The following GREB1L variants were observed in gnomAD, a reference collection of about 807,000 sequenced individuals.
The protein encoded by GREB1L is GREB1 like retinoic acid receptor coactivator.
GREB1L carries 17 observed loss-of-function variants against 200.8 expected under a neutral mutation model. That is an observed-to-expected ratio of 0.08 (90% CI 0.06 to 0.13). The LOEUF (loss-of-function observed/expected upper bound fraction) is 0.13. Ranked by LOEUF, GREB1L falls within the 10% of genes least tolerant of loss-of-function variation. The pLI, the probability that GREB1L is intolerant of heterozygous loss-of-function variation, is 1.00. For missense variants in GREB1L, 1,657 were observed against 2,367.7 expected (o/e 0.70, Z 6.23); for synonymous variants, 789 against 893.0 (o/e 0.88, Z 2.08).
At chr18:21,346,835 C>G (rs373024229) in intron 1 of GREB1L, among the ~76,000 whole-genome samples, 1 of 152,154 alleles carries the variant, frequency 6.6e-6, no homozygotes, top group Non-Finnish European at 1.5e-5. Flanking sequence ...CTCTTCTCTG[C>G]CCCCTCTAGA....
intron 1 of GREB1L, among the ~76,000 whole-genome samples, chr18:21,298,770 T>C (rs1002523116): frequency 6.6e-6 from 1 of 151,904 alleles, no homozygotes; most frequent in African/African-American, 2.4e-5. Context: ...CTCGTCTCTA[T>C]GCAAAATGTA....
intron 4 of GREB1L, among the ~76,000 whole-genome samples, chr18:21,389,990 G>A (rs1167679317): frequency 5.3e-5 from 8 of 152,308 alleles, no homozygotes; most frequent in Admixed American, 4.6e-4. Context: ...ACAGTATACA[G>A]TCATGTGCCA....
At chr18:21,313,706 G>A (rs879851811) in intron 1 of GREB1L, among the ~76,000 whole-genome samples, 37 of 152,168 alleles carry the variant, frequency 2.4e-4, no homozygotes, top group Non-Finnish European at 4.4e-4. Context: ...AAAAAAGAAG[G>A]TATCTGGGTT....
At chr18:21,458,700 A>G (rs960294263) in intron 15 of GREB1L, among the ~76,000 whole-genome samples, 1 of 152,184 alleles carries the variant, frequency 6.6e-6, no homozygotes, top group Non-Finnish European at 1.5e-5. Flanking sequence ...AATATCATGG[A>G]CAGAATTTGA....
At chr18:21,359,613 C>T (rs2039554015) in intron 1 of GREB1L, among the ~76,000 whole-genome samples, 1 of 152,174 alleles carries the variant, frequency 6.6e-6, no homozygotes, top group Non-Finnish European at 1.5e-5. Context: ...TATAGTGTCA[C>T]GACTTGAGGA....
intron 6 of GREB1L, 94 bp from the exon 7 acceptor site, chr18:21,403,778 G>A (rs2041414948): frequency 3.8e-6 from 4 of 1,055,292 alleles, no homozygotes; most frequent in Middle Eastern, 2.1e-4. Context: ...AAGGAGCAGC[G>A]ATTTAATTTA....
chr18:21,335,147 C>G (rs1164226397), intron 1 of GREB1L, among the ~76,000 whole-genome samples: 1 of 152,190 alleles, frequency 6.6e-6, no homozygotes, highest in Non-Finnish European at 1.5e-5. Flanking sequence ...ACAGTGTTCT[C>G]TCTTTCCCCG....
At chr18:21,479,101 C>G (rs545124393) in intron 17 of GREB1L, among the ~76,000 whole-genome samples, 3 of 152,020 alleles carry the variant, frequency 2.0e-5, no homozygotes, top group East Asian at 3.9e-4. Context: ...AGGCTGGTCT[C>G]GAACTCGCAA....
At position 21,319,355 on chromosome 18, in the gene GREB1L, A is replaced by G. The variant is rs555152743; in HGVS notation, c.-119-46672A>G. 5.3e-5 allele frequency among the ~76,000 whole-genome samples: 8 copies of G among 152,374 alleles called. No homozygotes were observed. In the South Asian group the frequency reaches 1.7e-3, roughly 32 times the overall value. On this transcript the variant is annotated intron_variant, in intron 1 of 32. Transcript: ENST00000424526. ...GTTAACCAACCAATTGTAGATCCCA[A>G]TCATGCCAAATTAAAAGGCTTTTCC...
intron 1 of GREB1L, among the ~76,000 whole-genome samples, chr18:21,312,175 A>G (rs536039899): frequency 1.3e-5 from 2 of 152,176 alleles, no homozygotes; most frequent in Non-Finnish European, 1.5e-5. Flanking sequence ...TCATGGCTGC[A>G]TGGTATTCCA....
Position 21,386,004 on chromosome 18 carries a change from G to C in GREB1L, c.355+1601G>C, listed in dbSNP as rs114025502. Among the ~76,000 whole-genome samples the C allele has an allele frequency of 9.2e-3, 1,400 of 152,282 alleles. 15 individuals are homozygous for C. The highest frequency in any genetic ancestry group is 0.031 in the African/African-American group (1,276 of 41,544). On this transcript the variant is annotated intron_variant, in intron 4 of 32. Transcript: ENST00000424526. ...AAGGTATAATAAACTTAGTGATCTA[G>C]AGATAGCCAGTATTTCTTAAACTTT...
At chr18:21,510,250 A>G (rs1453191029) in intron 27 of GREB1L, among the ~76,000 whole-genome samples, 1 of 152,022 alleles carries the variant, frequency 6.6e-6, no homozygotes, top group Non-Finnish European at 1.5e-5. Context: ...TAATACTTCT[A>G]AAGTGTTAAA....
intron 1 of GREB1L, among the ~76,000 whole-genome samples, chr18:21,252,660 G>T (rs535044405): frequency 6.6e-6 from 1 of 152,040 alleles, no homozygotes; most frequent in Non-Finnish European, 1.5e-5. Context: ...CTGAGATCAG[G>T]AGTTCAAAAC....
chr18:21,242,602 G>C (rs2143767941), intron 1 of GREB1L, among the ~76,000 whole-genome samples: 1 of 152,248 alleles, frequency 6.6e-6, no homozygotes, highest in Non-Finnish European at 1.5e-5. Flanking sequence ...GGGAGCGCCA[G>C]TGCCAACCTG....
chr18:21,427,225 C>A (rs1401459187), intron 7 of GREB1L, among the ~76,000 whole-genome samples: 1 of 151,922 alleles, frequency 6.6e-6, no homozygotes, highest in Non-Finnish European at 1.5e-5. Context: ...GTTTTGTGGC[C>A]AGATGTGGTG....
At position 21,441,401 on chromosome 18, in the gene GREB1L, G is replaced by T; in HGVS notation, c.1071G>T (p.Glu357Asp). ...CTTGTCAAACTTTTTTTTTTCCAGA[G>T]CCCCTTTTATCTGCCCCAGTTCCAC... ...VPTVRPLSRT[E>D]PLLSAPVPQT... The change falls in exon 10 of 33, where the codon GAG (glutamate) becomes GAT (aspartate). Residue 357 changes from glutamate (E) to aspartate (D), a missense_variant and splice_region_variant. This residue lies in a region of GREB1L where 289 missense variants were observed against 345.1 expected (regional missense o/e 0.84). Coordinates refer to ENST00000424526, the MANE Select transcript of GREB1L (RefSeq NM_001142966.3). 1 of 1,513,848 alleles carries T rather than the reference G, an allele frequency of 6.6e-7. No homozygotes were observed. The allele number at this position is 1,513,848 out of a possible 1,614,324, so 93.8% of individuals were successfully genotyped here.
intron 4 of GREB1L, among the ~76,000 whole-genome samples, chr18:21,394,383 C>G (rs1048011928): frequency 2.6e-5 from 4 of 152,166 alleles, no homozygotes; most frequent in Non-Finnish European, 4.4e-5. Context: ...ATAACACTGT[C>G]TGTGATTCTT....
intron 7 of GREB1L, among the ~76,000 whole-genome samples, chr18:21,412,226 T>C (rs1469062508): frequency 6.7e-6 from 1 of 148,922 alleles, no homozygotes; most frequent in Non-Finnish European, 1.5e-5. Flanking sequence ...CATAGTGAAA[T>C]CTTGTCTCTA....
chr18:21,496,839 C>A, intron 21 of GREB1L, 141 bp downstream of exon 21: 1 of 873,136 alleles, frequency 1.1e-6, no homozygotes, highest in Non-Finnish European at 1.7e-6. Context: ...CCAGACCCAG[C>A]TCCAGGTGGG....
Sources: gnomAD v4.1 joint callset for allele counts (sites outside exome capture counted in the v4.1 genomes callset) on GRCh38, gnomAD v4.1.1 for gene constraint, gnomAD v4.1.1 regional missense constraint, MANE v1.5 for transcripts, NCBI Gene and HGNC (gene_info 2026-07-23, HGNC 2026-07-21) for gene names.